DENND1A: variants seen among roughly 807,000 people sequenced by gnomAD.
DENND1A encodes the protein DENN domain containing 1A.
Under a neutral mutation model 113.7 loss-of-function variants are expected in DENND1A, and 51 were observed. That is an observed-to-expected ratio of 0.45 (90% CI 0.36 to 0.57). The LOEUF is 0.57. DENND1A is among the 20% of genes least tolerant of loss of function. The probability of loss-of-function intolerance (pLI) is 0.00; values close to 1 mark genes in which losing one functional copy is unlikely to be tolerated. For missense variants in DENND1A, 1,258 were observed against 1,395.9 expected (o/e 0.90, Z 1.57); for synonymous variants, 565 against 570.8 (o/e 0.99, Z 0.14).
In DENND1A at chr9:123,630,462, G is replaced by A. The variant is rs149067334; in HGVS notation, c.633C>T (p.Ile211=). The A allele has an allele frequency of 3.0e-4, 474 of 1,589,028 alleles. No homozygotes were observed. Among genetic ancestry groups the A allele is most frequent in the Non-Finnish European group, 1.4e-4 (169 of 1,166,408 alleles). Reference sequence around the variant, plus strand: ...GGTAGAGCATCGCCGCAGACCCGTGGATGCAGGCAGTCAGCTGGAACAGAG... The same window carrying A: ...GGTAGAGCATCGCCGCAGACCCGTGAATGCAGGCAGTCAGCTGGAACAGAG... ...CSKLSTLTAC[I]HGSAAMLYPM... The change falls in exon 10 of 24, where the codon ATC becomes ATT. Residue 211 remains isoleucine, a synonymous_variant. Coordinates refer to ENST00000394215, the MANE Select transcript of DENND1A (RefSeq NM_001352964.2).
chr9:123,580,749 C>T (rs1337491205), intron 12 of DENND1A, among the ~76,000 whole-genome samples: 2 of 152,224 alleles, frequency 1.3e-5, no homozygotes, highest in African/African-American at 2.4e-5. Context: ...AGCTAGTAGG[C>T]CCTAAGGTAC....
At chr9:123,455,192 G>A (rs1445978882) in intron 15 of DENND1A, among the ~76,000 whole-genome samples, 2 of 152,166 alleles carry the variant, frequency 1.3e-5, no homozygotes, top group Admixed American at 6.5e-5. Context: ...TAAAGGAGGC[G>A]GCAGCGAGTC....
At chr9:123,820,537 A>T (rs1838286992) in intron 2 of DENND1A, among the ~76,000 whole-genome samples, 1 of 152,122 alleles carries the variant, frequency 6.6e-6, no homozygotes, top group African/African-American at 2.4e-5. Context: ...CTCCCTGCTG[A>T]ATGACTGACC....
At chr9:123,673,582 T>C (rs774313864) in intron 6 of DENND1A, among the ~76,000 whole-genome samples, 5 of 152,232 alleles carry the variant, frequency 3.3e-5, no homozygotes, top group Non-Finnish European at 7.3e-5. Flanking sequence ...GAAACCAAGA[T>C]CTGGGCACCA....
chr9:123,524,387 G>C (rs1018283850), intron 13 of DENND1A, among the ~76,000 whole-genome samples: 1 of 152,228 alleles, frequency 6.6e-6, no homozygotes, highest in African/African-American at 2.4e-5. Context: ...AATAAGTCCA[G>C]GGTGGATCTA....
In DENND1A at chr9:123,557,573, C is replaced by G. The variant is rs1340711181; in HGVS notation, c.990G>C (p.Glu330Asp). 4 of 1,613,634 alleles carry G rather than the reference C, an allele frequency of 2.5e-6. No individual in the cohort carries two copies. The highest frequency in any genetic ancestry group is 1.7e-5 in the Admixed American group (1 of 60,006). Reference sequence around the variant, plus strand: ...GTGACATGCCAAGGCTACTCACCGGCTCGATTTTCAGAGCGTTTCGGTAGC... The same window carrying G: ...GTGACATGCCAAGGCTACTCACCGGGTCGATTTTCAGAGCGTTTCGGTAGC... ...FGSYRNALKI[E>D]PEEPITFCEE... The change falls in exon 13 of 24, where the codon GAG becomes GAC. Residue 330 changes from glutamate (E) to aspartate (D), a missense_variant. Coordinates refer to ENST00000394215, the MANE Select transcript of DENND1A (RefSeq NM_001352964.2).
chr9:123,618,945 TTTC>T lies in DENND1A; in HGVS notation c.720-9467_720-9465del, dbSNP rs1167478734. ...TTTAAAAGGCTAAAAAAGTTTTTTA[TTTC>T]TTCTTATTATTATTTTTGAGACAGA... On this transcript the variant is annotated intron_variant, in intron 10 of 23. Transcript: ENST00000394215. Among the ~76,000 whole-genome samples, 643 of 152,320 alleles carry T rather than the reference TTTC, an allele frequency of 4.2e-3. 4 individuals carry two copies. Among genetic ancestry groups the T allele is most frequent in the African/African-American group, 0.015 (609 of 41,572 alleles).
intron 5 of DENND1A, among the ~76,000 whole-genome samples, chr9:123,681,621 A>AC (rs771903275): frequency 9.9e-5 from 15 of 152,176 alleles, no homozygotes; most frequent in Non-Finnish European, 1.9e-4. Flanking sequence ...ATGAGAATGA[A>AC]CCCCACGGTG....
intron 12 of DENND1A, among the ~76,000 whole-genome samples, chr9:123,566,783 C>T (rs1464573232): frequency 6.6e-6 from 1 of 152,184 alleles, no homozygotes; most frequent in Non-Finnish European, 1.5e-5. Context: ...GAAACTGAAA[C>T]ACACAGTAGT....
chr9:123,711,503 A>ATG (rs1491042930), intron 5 of DENND1A, among the ~76,000 whole-genome samples: 2 of 72,310 alleles, frequency 2.8e-5, no homozygotes, highest in African/African-American at 1.8e-4. Flanking sequence ...ATATATATAT[A>ATG]TGTATATATG....
At chr9:123,912,374 T>A (rs1430024563) in intron 1 of DENND1A, among the ~76,000 whole-genome samples, 1 of 152,174 alleles carries the variant, frequency 6.6e-6, no homozygotes, top group Non-Finnish European at 1.5e-5. Context: ...ATCACATTGT[T>A]GGAGCCAGAG....
chr9:123,889,854 C>A (rs996139986), intron 1 of DENND1A, among the ~76,000 whole-genome samples: 6 of 151,946 alleles, frequency 3.9e-5, no homozygotes, highest in African/African-American at 1.2e-4. Flanking sequence ...ACAGCTGTAA[C>A]CCCAGCTACT....
At chr9:123,885,586 C>T (rs932801527) in intron 1 of DENND1A, among the ~76,000 whole-genome samples, 1 of 152,224 alleles carries the variant, frequency 6.6e-6, no homozygotes, top group Non-Finnish European at 1.5e-5. Context: ...CTGACAACAG[C>T]CTCAGCTCTT....
At chr9:123,538,805 C>CATATATAT (rs1169598985) in intron 13 of DENND1A, among the ~76,000 whole-genome samples, 2 of 50,064 alleles carry the variant, frequency 4.0e-5, no homozygotes, top group African/African-American at 8.9e-5. Flanking sequence ...GGTGACAACT[C>CATATATAT]ATACATATAT....
At chr9:123,449,665 AAAAAGGAATGAATC>A (rs2047564499) in intron 18 of DENND1A, among the ~76,000 whole-genome samples, 1 of 152,210 alleles carries the variant, frequency 6.6e-6, no homozygotes, top group East Asian at 1.9e-4. Flanking sequence ...CTGGGGGCAT[AAAAAGGAATGAATC>A]AATGGCACTT....
intron 11 of DENND1A, among the ~76,000 whole-genome samples, chr9:123,606,091 A>T (rs1407161744): frequency 6.6e-6 from 1 of 152,220 alleles, no homozygotes; most frequent in Non-Finnish European, 1.5e-5. Flanking sequence ...GAAACCGCAG[A>T]AGGAGTATCC....
intron 1 of DENND1A, among the ~76,000 whole-genome samples, chr9:123,904,989 T>C (rs1056764965): frequency 6.6e-6 from 1 of 152,138 alleles, no homozygotes; most frequent in African/African-American, 2.4e-5. Flanking sequence ...GGGAAGTCCA[T>C]CAGACTAACA....
chr9:123,393,538 TA>T (rs556159877), intron 21 of DENND1A, among the ~76,000 whole-genome samples: 342 of 131,402 alleles, frequency 2.6e-3, no homozygotes, highest in Middle Eastern at 3.8e-3. Context: ...CTTAAAAAAA[TA>T]AAAAAAAAAA....
intron 2 of DENND1A, among the ~76,000 whole-genome samples, chr9:123,806,103 G>C (rs1438256668): frequency 1.3e-5 from 2 of 151,164 alleles, no homozygotes; most frequent in Non-Finnish European, 3.0e-5. Context: ...ACAAGCACCC[G>C]CCACCATGCC....
Sources: allele counts gnomAD v4.1 joint callset (sites outside exome capture counted in the v4.1 genomes callset), GRCh38; gene constraint gnomAD v4.1.1; transcripts MANE v1.5; gene names NCBI Gene and HGNC (gene_info 2026-07-23, HGNC 2026-07-21).